Variants in PVT1 observed in about 807,000 individuals in gnomAD.
PVT1 encodes the protein CXCR4/PVT1 fusion.
chr8:128,074,443 A>T (rs1364929554), intron 5 of PVT1, among the ~76,000 whole-genome samples: 1 of 150,878 alleles, frequency 6.6e-6, no homozygotes, highest in Non-Finnish European at 1.5e-5. Context: ...GAATTGCTTG[A>T]AGCCGGGAGG....
intron 5 of PVT1, among the ~76,000 whole-genome samples, chr8:128,087,103 C>T (rs1295510788): frequency 2.0e-5 from 3 of 152,204 alleles, no homozygotes; most frequent in Non-Finnish European, 2.9e-5. Flanking sequence ...TGTGCATTAT[C>T]TCAGTCTTCA....
intron 3 of PVT1, chr8:127,948,153 T>G: frequency 2.7e-6 from 1 of 365,966 alleles, no homozygotes; most frequent in South Asian, 2.1e-5. Flanking sequence ...GTCTGTTTTA[T>G]TATCCCTGAC....
At chr8:127,876,407 A>T (rs1016117028) in intron 2 of PVT1, among the ~76,000 whole-genome samples, 1 of 151,298 alleles carries the variant, frequency 6.6e-6, no homozygotes, top group African/African-American at 2.4e-5. Flanking sequence ...ACAGGTTTTT[A>T]TTTTTATTTT....
intron 3 of PVT1, among the ~76,000 whole-genome samples, chr8:127,899,739 C>T (rs955672741): frequency 3.9e-5 from 6 of 152,140 alleles, no homozygotes; most frequent in African/African-American, 4.8e-5. Flanking sequence ...GCTGAGGCAC[C>T]GGTGGAGACC....
intron 5 of PVT1, among the ~76,000 whole-genome samples, chr8:128,075,822 G>T (rs1814080782): frequency 6.6e-6 from 1 of 152,036 alleles, no homozygotes. Flanking sequence ...CTTTTATTTG[G>T]ACCAAATACA....
At chr8:128,018,821 T>TC (rs1028894461) in intron 4 of PVT1, among the ~76,000 whole-genome samples, 1 of 151,920 alleles carries the variant, frequency 6.6e-6, no homozygotes, top group African/African-American at 2.4e-5. Flanking sequence ...ACCTCCCTCC[T>TC]CCCCCCACCA....
At chr8:127,819,097 T>C (rs971953772) in intron 2 of PVT1, among the ~76,000 whole-genome samples, 1 of 152,202 alleles carries the variant, frequency 6.6e-6, no homozygotes, top group African/African-American at 2.4e-5. Context: ...TCTAACTGGC[T>C]GCGAGCCCCG....
intron 4 of PVT1, among the ~76,000 whole-genome samples, chr8:128,032,777 G>A (rs1370837551): frequency 2.0e-5 from 3 of 152,234 alleles, no homozygotes; most frequent in African/African-American, 7.2e-5. Flanking sequence ...TGTGTCTTTC[G>A]TCTCCTTCTG....
chr8:127,963,097 C>A (rs1364718396), intron 3 of PVT1, among the ~76,000 whole-genome samples: 1 of 152,188 alleles, frequency 6.6e-6, no homozygotes, highest in Non-Finnish European at 1.5e-5. Context: ...GGGTCTCACC[C>A]TGCCCAGCAG....
chr8:127,989,756 C>T (rs1817010209), intron 4 of PVT1, among the ~76,000 whole-genome samples: 1 of 152,168 alleles, frequency 6.6e-6, no homozygotes, highest in African/African-American at 2.4e-5. Context: ...GCTCCTTCCA[C>T]ACTAAGGCTG....
chr8:127,979,877 T>G (rs929778318), intron 3 of PVT1, among the ~76,000 whole-genome samples: 1 of 152,166 alleles, frequency 6.6e-6, no homozygotes, highest in Admixed American at 6.5e-5. Flanking sequence ...GTTTTTTTGT[T>G]GTGGTGGTGG....
intron 3 of PVT1, among the ~76,000 whole-genome samples, chr8:127,934,940 T>A (rs1219642551): frequency 1.3e-5 from 2 of 152,098 alleles, no homozygotes; most frequent in African/African-American, 4.8e-5. Context: ...TGTACCTGGG[T>A]GCTCTGTTAT....
At chr8:127,889,448 A>AT (rs35522702) in intron 2 of PVT1, among the ~76,000 whole-genome samples, 9,471 of 139,720 alleles carry the variant, frequency 0.068, 968 homozygotes, top group African/African-American at 0.22. Flanking sequence ...TTTTCCTGTG[A>AT]TTTTTTTTTT....
intron 3 of PVT1, chr8:127,939,928 T>C (rs184527742): frequency 6.6e-6 from 1 of 152,290 alleles, no homozygotes; most frequent in East Asian, 1.9e-4. Context: ...TCTGAGGCAT[T>C]GGGATACATG....
intron 3 of PVT1, among the ~76,000 whole-genome samples, chr8:127,982,527 T>C (rs1816894877): frequency 6.6e-6 from 1 of 151,984 alleles, no homozygotes. Context: ...AAAAACAAAA[T>C]GGCTGGGTTC....
chr8:127,866,532 C>T (rs1815288020), intron 2 of PVT1, among the ~76,000 whole-genome samples: 1 of 152,082 alleles, frequency 6.6e-6, no homozygotes, highest in Admixed American at 6.5e-5. Context: ...ATGAAGGAGG[C>T]CTGGAGGAGT....
At chr8:127,825,329 CACCAAGTT>C (rs1487695010) in intron 2 of PVT1, among the ~76,000 whole-genome samples, 1 of 152,116 alleles carries the variant, frequency 6.6e-6, no homozygotes, top group Non-Finnish European at 1.5e-5. Context: ...CATTTGGTTA[CACCAAGTT>C]ACAGTCACAA....
At chr8:127,819,628 G>A (rs1271308204) in intron 2 of PVT1, among the ~76,000 whole-genome samples, 1 of 152,166 alleles carries the variant, frequency 6.6e-6, no homozygotes, top group African/African-American at 2.4e-5. Context: ...GTGCAATGCG[G>A]AAGAGCCTCG....
At chr8:127,952,978 A>T (rs1009830259) in intron 3 of PVT1, among the ~76,000 whole-genome samples, 1 of 152,042 alleles carries the variant, frequency 6.6e-6, no homozygotes, top group East Asian at 1.9e-4. Flanking sequence ...GTTGGCCAGG[A>T]TGGTCTCGAT....
Sources: gnomAD v4.1 joint callset for allele counts (sites outside exome capture counted in the v4.1 genomes callset) on GRCh38, gnomAD v4.1.1 for gene constraint, MANE v1.5 for transcripts, NCBI Gene and HGNC (gene_info 2026-07-23, HGNC 2026-07-21) for gene names.